Variants in SEMA3C observed in about 807,000 individuals in gnomAD.
The protein encoded by SEMA3C is semaphorin 3C, also known as semaphorin-3C.
In SEMA3C, 47 loss-of-function variants were observed where a neutral mutation model predicts 89.4. The ratio of observed to expected loss-of-function variants is 0.53; its 90% CI spans 0.42 to 0.67. The LOEUF (loss-of-function observed/expected upper bound fraction) is 0.67, where lower values mean the gene tolerates loss of function less well. SEMA3C is among the 30% of genes least tolerant of loss of function. SEMA3C has a pLI of 0.00. For missense variants in SEMA3C, 839 were observed against 929.1 expected (o/e 0.90, Z 1.26); for synonymous variants, 310 against 320.2 (o/e 0.97, Z 0.34).
At chr7:80,850,393 G>A (rs1454477016) in intron 2 of SEMA3C, among the ~76,000 whole-genome samples, 1 of 152,078 alleles carries the variant, frequency 6.6e-6, no homozygotes, top group Non-Finnish European at 1.5e-5. Context: ...ACAGGGGACT[G>A]GGTAAATAAA....
intron 6 of SEMA3C, among the ~76,000 whole-genome samples, chr7:80,806,095 G>A (rs1237454263): frequency 6.6e-6 from 1 of 151,714 alleles, no homozygotes; most frequent in Admixed American, 6.6e-5. Context: ...ACGTATAATA[G>A]ATAACAAAAT....
At chr7:80,764,753 A>T (rs1788259281) in intron 13 of SEMA3C, among the ~76,000 whole-genome samples, 1 of 152,230 alleles carries the variant, frequency 6.6e-6, no homozygotes, top group African/African-American at 2.4e-5. Context: ...GGCTAAAAAA[A>T]TATAAGAAAG....
chr7:80,798,340 A>G, intron 10 of SEMA3C, 104 bp from the exon 11 acceptor site: 1 of 1,046,842 alleles, frequency 9.6e-7, no homozygotes, highest in Non-Finnish European at 1.3e-6. Flanking sequence ...ATAATCCACC[A>G]TAGAAAAGTT....
chr7:80,855,254 A>T (rs1360331235), intron 2 of SEMA3C, among the ~76,000 whole-genome samples: 2 of 152,116 alleles, frequency 1.3e-5, no homozygotes, highest in African/African-American at 4.8e-5. Flanking sequence ...GAAAACTATA[A>T]TGGATGGTCA....
At chr7:80,825,840 T>C (rs1789859379) in intron 4 of SEMA3C, among the ~76,000 whole-genome samples, 1 of 152,148 alleles carries the variant, frequency 6.6e-6, no homozygotes, top group Admixed American at 6.6e-5. Context: ...ATTAAAATAA[T>C]AAGGAACAAA....
intron 2 of SEMA3C, among the ~76,000 whole-genome samples, chr7:80,898,707 G>A (rs1583990883): frequency 6.6e-6 from 1 of 152,000 alleles, no homozygotes; most frequent in South Asian, 2.1e-4. Flanking sequence ...CTTGCATAAA[G>A]GTAGGATAGG....
chr7:80,893,574 T>A (rs1046151026), intron 2 of SEMA3C, among the ~76,000 whole-genome samples: 1 of 152,148 alleles, frequency 6.6e-6, no homozygotes, highest in Admixed American at 6.6e-5. Flanking sequence ...AATTTACCAA[T>A]TACTGATGTC....
At chr7:80,847,773 T>C (rs146415962) in intron 2 of SEMA3C, among the ~76,000 whole-genome samples, 1 of 152,272 alleles carries the variant, frequency 6.6e-6, no homozygotes, top group African/African-American at 2.4e-5. Flanking sequence ...CAAGGTGTCA[T>C]TGTAGAAAGC....
At chr7:80,854,758 T>C (rs1790595374) in intron 2 of SEMA3C, among the ~76,000 whole-genome samples, 1 of 152,206 alleles carries the variant, frequency 6.6e-6, no homozygotes, top group Admixed American at 6.5e-5. Context: ...AACTTACTGT[T>C]CACCTAAAAT....
upstream of SEMA3C, chr7:80,922,300 T>A: frequency 7.8e-7 from 1 of 1,288,520 alleles, no homozygotes; most frequent in African/African-American, 1.5e-5. Flanking sequence ...CTTTTCTACT[T>A]CCCTCTCTTT....
At chr7:80,844,060 C>T (rs997894037) in intron 2 of SEMA3C, among the ~76,000 whole-genome samples, 4 of 152,234 alleles carry the variant, frequency 2.6e-5, no homozygotes, top group East Asian at 3.9e-4. Context: ...ATCATGGGTA[C>T]CTTTCCCACA....
chr7:80,746,718 G>GGTGTGTGTGTGTGTGTGTGTGTGTGT (rs5885196), intron 17 of SEMA3C, among the ~76,000 whole-genome samples: 1,935 of 142,968 alleles, frequency 0.014, 26 homozygotes, highest in Non-Finnish European at 0.021. Flanking sequence ...ATTGAAGTGG[G>GGTGTGTGTGTGTGTGTGTGTGTGTGT]GTGTGTGTGT....
At chr7:80,887,796 A>G (rs938941205) in intron 2 of SEMA3C, among the ~76,000 whole-genome samples, 1 of 152,034 alleles carries the variant, frequency 6.6e-6, no homozygotes, top group African/African-American at 2.4e-5. Context: ...AATACGTTCA[A>G]CTCTTTAAGG....
chr7:80,798,930 T>A (rs1010257600), intron 10 of SEMA3C, among the ~76,000 whole-genome samples: 5 of 152,140 alleles, frequency 3.3e-5, no homozygotes, highest in African/African-American at 9.7e-5. Context: ...AGACGTCTAA[T>A]GAAAAAAGGT....
intron 2 of SEMA3C, among the ~76,000 whole-genome samples, chr7:80,878,312 A>G (rs1791248376): frequency 6.6e-6 from 1 of 152,202 alleles, no homozygotes; most frequent in Admixed American, 6.5e-5. Context: ...TGGGAGGCGG[A>G]GGTTGCGGTG....
At chr7:80,922,148 A>G (rs1228712111), upstream of SEMA3C, 1 of 679,978 alleles carries the variant, frequency 1.5e-6, no homozygotes, top group Non-Finnish European at 2.1e-6. Flanking sequence ...CAATGAGAGA[A>G]CGTTGAAGGT....
intron 2 of SEMA3C, among the ~76,000 whole-genome samples, chr7:80,849,302 A>C (rs1790457932): frequency 6.6e-6 from 1 of 152,130 alleles, no homozygotes; most frequent in East Asian, 1.9e-4. Flanking sequence ...AAGTTTTAGC[A>C]ACAGTGGCCA....
chr7:80,776,415 TTC>T (rs1302136592), intron 12 of SEMA3C, among the ~76,000 whole-genome samples: 1 of 152,164 alleles, frequency 6.6e-6, no homozygotes, highest in Non-Finnish European at 1.5e-5. Context: ...CTATAATCCT[TTC>T]TGTTTCTTTA....
intron 2 of SEMA3C, among the ~76,000 whole-genome samples, chr7:80,907,871 C>T (rs193261204): frequency 1.3e-5 from 2 of 152,094 alleles, no homozygotes; most frequent in East Asian, 1.9e-4. Context: ...AAGGCTCCAA[C>T]GTATCCACCA....
Sources: allele counts gnomAD v4.1 joint callset (sites outside exome capture counted in the v4.1 genomes callset), GRCh38; gene constraint gnomAD v4.1.1; transcripts MANE v1.5; gene names NCBI Gene and HGNC (gene_info 2026-07-23, HGNC 2026-07-21).